DLG2: variants seen among roughly 807,000 people sequenced by gnomAD.
The protein encoded by DLG2 is disks large homolog 2.
In DLG2, 45 loss-of-function variants were observed where a neutral mutation model predicts 132.5. That is an observed-to-expected ratio of 0.34 (90% CI 0.27 to 0.44). The LOEUF is 0.44. DLG2 is among the 20% of genes least tolerant of loss of function. DLG2 has a pLI of 1.00. For missense variants in DLG2, 1,045 were observed against 1,196.9 expected, an observed-to-expected ratio of 0.87 and a Z score of 1.87; for synonymous variants, 424 against 419.6, an observed-to-expected ratio of 1.01 and a Z score of -0.13.
At position 85,111,250 on chromosome 11, in the gene DLG2, T is replaced by C. The variant is rs1044090049; in HGVS notation, c.357+411A>G. 2.8e-4 allele frequency among the ~76,000 whole-genome samples: 43 copies of C among 152,142 alleles called. 2 individuals are homozygous for C. The highest frequency in any genetic ancestry group is 2.8e-3 in the Admixed American group (42 of 15,248). On this transcript the variant is annotated intron_variant, in intron 6 of 27. Coordinates refer to ENST00000376104, the MANE Select transcript of DLG2 (RefSeq NM_001142699.3). Reference sequence around the variant, plus strand: ...GAGACTATTATTACACCAGGAAGACTTGAAAATTGCAAGTTGGTGTGCTCA... The same window carrying C: ...GAGACTATTATTACACCAGGAAGACCTGAAAATTGCAAGTTGGTGTGCTCA...
rs1267669585 is a variant in DLG2 at position 85,244,165 on chromosome 11, G to C, written c.186+41055C>G. 2.0e-5 allele frequency among the ~76,000 whole-genome samples: 3 copies of C among 151,926 alleles called. No homozygotes were observed. In the East Asian group the frequency reaches 5.8e-4, roughly 29 times the overall value. The stretch of plus-strand genomic sequence containing the variant: ...GGATCTACTTCTCTAATCCAATATA[G>C]ATGCCTACCAAAGTTTCTACTGCAT... On this transcript the variant is annotated intron_variant, in intron 4 of 27. Transcript: ENST00000376104.
At chr11:83,460,818 T>C (rs1029571425) in intron 27 of DLG2, among the ~76,000 whole-genome samples, 1 of 152,162 alleles carries the variant, frequency 6.6e-6, no homozygotes, top group Non-Finnish European at 1.5e-5. Context: ...TTCTCCTACC[T>C]GGATGTTCTT....
rs2098230045 is a variant in DLG2 at position 84,307,274 on chromosome 11, A to G, written c.520-55983T>C. Among the ~76,000 whole-genome samples the G allele has an allele frequency of 2.0e-5, 3 of 152,220 alleles. No homozygotes were observed. In the South Asian group the frequency reaches 6.2e-4, roughly 32 times the overall value. On this transcript the variant is annotated intron_variant, in intron 7 of 27. Transcript: ENST00000376104. ...AGAAAATGAAATATCGCACGTCGTC[A>G]CTTATAAATGGGAGCTAAATATTGA...
intron 11 of DLG2, among the ~76,000 whole-genome samples, chr11:83,998,755 AG>A (rs1307818937): frequency 1.3e-5 from 2 of 152,148 alleles, no homozygotes; most frequent in Non-Finnish European, 2.9e-5. Context: ...AAGCAGCTAC[AG>A]CAAGCCACCG....
In DLG2 at chr11:85,063,585, A is replaced by T. The variant is rs2064431005; in HGVS notation, c.357+48076T>A. Among the ~76,000 whole-genome samples, 2 of 151,810 alleles carry T rather than the reference A, an allele frequency of 1.3e-5. 1 individual carries two copies. Among genetic ancestry groups the T allele is most frequent in the South Asian group, 4.1e-4 (2 of 4,824 alleles). ...ACTTATATGGTTATTGGCTTAGGAG[A>T]TTTCTTTCTACAAAACAAAAGTTTT... On this transcript the variant is annotated intron_variant, in intron 6 of 27. Coordinates refer to ENST00000376104, the MANE Select transcript of DLG2 (RefSeq NM_001142699.3).
chr11:85,105,474 A>G (rs1470605627), intron 6 of DLG2, among the ~76,000 whole-genome samples: 1 of 151,944 alleles, frequency 6.6e-6, no homozygotes, highest in Non-Finnish European at 1.5e-5. Flanking sequence ...TACAGCAAAA[A>G]TGAAATTAGA....
Position 85,231,419 on chromosome 11 carries a change from C to T in DLG2, c.186+53801G>A, listed in dbSNP as rs533109876. On this transcript the variant is annotated intron_variant, in intron 4 of 27. Coordinates refer to ENST00000376104, the MANE Select transcript of DLG2 (RefSeq NM_001142699.3). ...TACTTCATTCTTTTTTAAGGTTTCCCATTTCATGGCTGGGATTTTCCACCA... is the reference window on the plus strand; with the variant it reads ...TACTTCATTCTTTTTTAAGGTTTCCTATTTCATGGCTGGGATTTTCCACCA... Among the ~76,000 whole-genome samples the T allele has an allele frequency of 1.1e-4, 16 of 152,006 alleles. 1 individual carries two copies. The South Asian group carries it at 3.1e-3, about 30-fold the overall frequency.
intron 6 of DLG2, among the ~76,000 whole-genome samples, chr11:84,730,206 T>C (rs762093736): frequency 6.6e-6 from 1 of 152,048 alleles, no homozygotes; most frequent in Non-Finnish European, 1.5e-5. Context: ...GTTTGGACAC[T>C]TGCTATGCAA....
At chr11:85,131,784 T>G (rs972718392) in intron 5 of DLG2, among the ~76,000 whole-genome samples, 2 of 152,114 alleles carry the variant, frequency 1.3e-5, no homozygotes, top group Non-Finnish European at 2.9e-5. Flanking sequence ...GGCTTTGAAA[T>G]TAAATAATCT....
intron 3 of DLG2, among the ~76,000 whole-genome samples, chr11:85,426,681 A>C (rs2090769714): frequency 6.6e-6 from 1 of 152,182 alleles, no homozygotes; most frequent in Non-Finnish European, 1.5e-5. Context: ...TGGGGAAAAA[A>C]CAGAGCAGAA....
intron 6 of DLG2, among the ~76,000 whole-genome samples, chr11:84,867,689 G>C (rs1166965346): frequency 2.0e-5 from 3 of 152,178 alleles, no homozygotes; most frequent in African/African-American, 7.2e-5. Flanking sequence ...ACTAACATGG[G>C]CATCAAGGAG....
chr11:83,720,112 G>A (rs890616945), intron 18 of DLG2, among the ~76,000 whole-genome samples: 8 of 151,276 alleles, frequency 5.3e-5, no homozygotes, highest in African/African-American at 1.9e-4. Flanking sequence ...GGTCAACATG[G>A]CAAAACCCCA....
At chr11:84,846,395 T>A (rs529011045) in intron 6 of DLG2, among the ~76,000 whole-genome samples, 1 of 152,282 alleles carries the variant, frequency 6.6e-6, no homozygotes, top group East Asian at 1.9e-4. Flanking sequence ...GAATCACTCC[T>A]AGTCTTCCCT....
intron 10 of DLG2, among the ~76,000 whole-genome samples, chr11:84,071,820 T>C (rs1180479462): frequency 6.6e-6 from 1 of 152,230 alleles, no homozygotes; most frequent in African/African-American, 2.4e-5. Context: ...ACAATGGATA[T>C]TTATAATTAT....
chr11:85,542,604 C>T (rs1319791920), intron 3 of DLG2, among the ~76,000 whole-genome samples: 2 of 152,126 alleles, frequency 1.3e-5, no homozygotes, highest in Non-Finnish European at 2.9e-5. Context: ...AGAATCCTGA[C>T]TTGTTGGCTC....
At chr11:85,528,163 T>G (rs2153188562) in intron 3 of DLG2, among the ~76,000 whole-genome samples, 1 of 152,374 alleles carries the variant, frequency 6.6e-6, no homozygotes, top group African/African-American at 2.4e-5. Flanking sequence ...CAGTTTCTTT[T>G]GCTGAGCAGA....
intron 4 of DLG2, among the ~76,000 whole-genome samples, chr11:85,280,178 G>T (rs1384766245): frequency 6.6e-6 from 1 of 151,888 alleles, no homozygotes; most frequent in African/African-American, 2.4e-5. Flanking sequence ...TACTGATGAA[G>T]ATAGTGAGTG....
At chr11:84,886,989 A>G (rs760015939) in intron 6 of DLG2, among the ~76,000 whole-genome samples, 5 of 152,144 alleles carry the variant, frequency 3.3e-5, no homozygotes, top group Non-Finnish European at 7.4e-5. Context: ...TCAAACAATC[A>G]CAAGAATGCT....
chr11:83,497,135 T>C (rs1313905793), intron 21 of DLG2, among the ~76,000 whole-genome samples: 1 of 152,212 alleles, frequency 6.6e-6, no homozygotes, highest in Non-Finnish European at 1.5e-5. Context: ...ACCAAAATGT[T>C]GAGCAATGAT....
Sources: allele counts gnomAD v4.1 joint callset (sites outside exome capture counted in the v4.1 genomes callset), GRCh38; gene constraint gnomAD v4.1.1; transcripts MANE v1.5; gene names NCBI Gene and HGNC (gene_info 2026-07-23, HGNC 2026-07-21).